The following RIT2 variants were observed in gnomAD, a reference collection of about 807,000 sequenced individuals.
The protein encoded by RIT2 is GTP-binding protein Rit2.
RIT2 carries 24 observed loss-of-function variants against 23.7 expected under a neutral mutation model. That is an observed-to-expected ratio of 1.01 (90% CI 0.73 to 1.43). The LOEUF (loss-of-function observed/expected upper bound fraction) is 1.43. RIT2 is among the 40% of genes most tolerant of loss of function. The pLI is 0.00. For synonymous variants in RIT2, 107 were observed against 91.1 expected, an observed-to-expected ratio of 1.17 and a Z score of -0.99; for missense variants, 236 against 266.9, an observed-to-expected ratio of 0.88 and a Z score of 0.81.
At chr18:42,880,857 G>T (rs531052113) in intron 4 of RIT2, among the ~76,000 whole-genome samples, 1 of 146,902 alleles carries the variant, frequency 6.8e-6, no homozygotes, top group Non-Finnish European at 1.5e-5. Context: ...GCTCAGGCTG[G>T]AGTGCAATGG....
intron 4 of RIT2, among the ~76,000 whole-genome samples, chr18:42,870,877 T>C (rs868594912): frequency 6.6e-6 from 1 of 152,226 alleles, no homozygotes; most frequent in Non-Finnish European, 1.5e-5. Flanking sequence ...AATAGCCTTA[T>C]AGTACACAAA....
chr18:42,968,883 G>T, intron 3 of RIT2, among the ~76,000 whole-genome samples: 1 of 152,188 alleles, frequency 6.6e-6, no homozygotes, highest in East Asian at 1.9e-4. Context: ...GCAGTGAGGA[G>T]AAGTACATTG....
intron 4 of RIT2, among the ~76,000 whole-genome samples, chr18:42,787,926 A>G (rs556351283): frequency 6.6e-6 from 1 of 151,868 alleles, no homozygotes; most frequent in African/African-American, 2.4e-5. Context: ...GTATTCGTTT[A>G]TTTAAAATAA....
chr18:43,035,467 T>C (rs1911952268), intron 1 of RIT2, among the ~76,000 whole-genome samples: 1 of 152,200 alleles, frequency 6.6e-6, no homozygotes, highest in Admixed American at 6.5e-5. Context: ...AGTTCCTGAC[T>C]GAAGTTAGTT....
At chr18:43,071,091 C>T (rs1912886487) in intron 1 of RIT2, among the ~76,000 whole-genome samples, 1 of 152,184 alleles carries the variant, frequency 6.6e-6, no homozygotes, top group African/African-American at 2.4e-5. Context: ...TGGGTTTCTC[C>T]ATCTCAGTGA....
At chr18:43,078,741 G>A (rs571336827) in intron 1 of RIT2, among the ~76,000 whole-genome samples, 1 of 152,278 alleles carries the variant, frequency 6.6e-6, no homozygotes, top group East Asian at 1.9e-4. Context: ...ATGGAGCTTT[G>A]GACCCAGGAG....
At chr18:43,036,501 C>T (rs1342677179) in intron 1 of RIT2, among the ~76,000 whole-genome samples, 7 of 152,142 alleles carry the variant, frequency 4.6e-5, no homozygotes, top group African/African-American at 7.2e-5. Flanking sequence ...AATTGTGCCC[C>T]TGCACTCCAG....
chr18:42,907,973 A>G (rs1908667568), intron 4 of RIT2, among the ~76,000 whole-genome samples: 1 of 152,072 alleles, frequency 6.6e-6, no homozygotes, highest in Non-Finnish European at 1.5e-5. Flanking sequence ...AGTGAAAAAA[A>G]AAAAATTAAG....
chr18:43,111,340 A>G (rs1913948377), intron 1 of RIT2, among the ~76,000 whole-genome samples: 1 of 152,182 alleles, frequency 6.6e-6, no homozygotes, highest in African/African-American at 2.4e-5. Flanking sequence ...TAATGGGTAC[A>G]AAATTGTGGT....
intron 2 of RIT2, among the ~76,000 whole-genome samples, chr18:42,986,042 CTTTT>C (rs1271886309): frequency 7.3e-6 from 1 of 136,208 alleles, no homozygotes. Context: ...TTTTTCTTTT[CTTTT>C]TTTTTTTTTT....
chr18:42,815,986 C>T (rs1905987050), intron 4 of RIT2, among the ~76,000 whole-genome samples: 1 of 152,084 alleles, frequency 6.6e-6, no homozygotes, highest in South Asian at 2.1e-4. Flanking sequence ...ACTTGGCTTT[C>T]AGAATCCAGT....
At chr18:43,068,139 A>T (rs1485180451) in intron 1 of RIT2, among the ~76,000 whole-genome samples, 1 of 152,222 alleles carries the variant, frequency 6.6e-6, no homozygotes, top group African/African-American at 2.4e-5. Flanking sequence ...AGGATGTATA[A>T]GATAGCTACA....
chr18:42,852,209 TTC>T (rs767647351), intron 4 of RIT2, among the ~76,000 whole-genome samples: 2 of 152,244 alleles, frequency 1.3e-5, no homozygotes, highest in Non-Finnish European at 2.9e-5. Context: ...TATGATATAA[TTC>T]TCTCTCATTT....
At chr18:43,054,519 A>C (rs181713685) in intron 1 of RIT2, among the ~76,000 whole-genome samples, 87 of 152,222 alleles carry the variant, frequency 5.7e-4, no homozygotes, top group African/African-American at 2.0e-3. Context: ...GGGTTCATTC[A>C]GTAATGACTA....
chr18:43,083,344 A>G (rs1913203432), intron 1 of RIT2, among the ~76,000 whole-genome samples: 1 of 152,344 alleles, frequency 6.6e-6, no homozygotes, highest in East Asian at 1.9e-4. Context: ...TTATCAAGCT[A>G]CCATTGACTT....
chr18:43,006,567 G>C (rs913414521), intron 2 of RIT2, among the ~76,000 whole-genome samples: 3 of 151,488 alleles, frequency 2.0e-5, no homozygotes, highest in Non-Finnish European at 4.4e-5. Flanking sequence ...AGAAATAAAG[G>C]CTTAAGTAGA....
chr18:43,051,805 T>C (rs1176647116), intron 1 of RIT2, among the ~76,000 whole-genome samples: 1 of 152,126 alleles, frequency 6.6e-6, no homozygotes, highest in Non-Finnish European at 1.5e-5. Flanking sequence ...GAAATCAAAA[T>C]GTCAAACAAA....
chr18:42,896,525 TTC>T (rs1908335213), intron 4 of RIT2, among the ~76,000 whole-genome samples: 1 of 152,022 alleles, frequency 6.6e-6, no homozygotes, highest in South Asian at 2.1e-4. Context: ...TCTCTTTTCT[TTC>T]TGTTTCAAGC....
At chr18:43,025,629 T>C (rs1312879643) in intron 2 of RIT2, among the ~76,000 whole-genome samples, 2 of 152,028 alleles carry the variant, frequency 1.3e-5, no homozygotes, top group Non-Finnish European at 2.9e-5. Flanking sequence ...CACACACATA[T>C]ATATATATGC....
Sources: allele counts gnomAD v4.1 joint callset (sites outside exome capture counted in the v4.1 genomes callset), GRCh38; gene constraint gnomAD v4.1.1; transcripts MANE v1.5; gene names NCBI Gene and HGNC (gene_info 2026-07-23, HGNC 2026-07-21).